KIAA1217: variants seen among roughly 807,000 people sequenced by gnomAD.
KIAA1217 encodes the protein KIAA1217, also known as sickle tail protein homolog.
KIAA1217 carries 88 observed loss-of-function variants against 163.9 expected under a neutral mutation model. That is an observed-to-expected ratio of 0.54 (90% CI 0.45 to 0.64). KIAA1217 has a LOEUF of 0.64. Ranked by LOEUF, KIAA1217 falls within the 30% of genes least tolerant of loss-of-function variation. KIAA1217 has a pLI of 0.00. For synonymous variants in KIAA1217, 903 were observed against 923.1 expected, an observed-to-expected ratio of 0.98 and a Z score of 0.39; for missense variants, 2,372 against 2,475.0, an observed-to-expected ratio of 0.96 and a Z score of 0.88.
chr10:23,791,100 A>C (rs11598360), intron 1 of KIAA1217, among the ~76,000 whole-genome samples: 14 of 152,066 alleles, frequency 9.2e-5, no homozygotes, highest in Non-Finnish European at 2.1e-4. Context: ...TGAGGGGAAA[A>C]AAGACTCTTT....
intron 2 of KIAA1217, among the ~76,000 whole-genome samples, chr10:24,201,074 C>A (rs1387569197): frequency 6.6e-6 from 1 of 152,092 alleles, no homozygotes; most frequent in Non-Finnish European, 1.5e-5. Context: ...CGTTCGAGAC[C>A]AGTCTGGCCA....
At chr10:23,703,929 C>T (rs886947149) in intron 1 of KIAA1217, among the ~76,000 whole-genome samples, 1 of 149,006 alleles carries the variant, frequency 6.7e-6, no homozygotes, top group East Asian at 2.0e-4. Context: ...TTTGTATTGC[C>T]AAAGAGCAAT....
chr10:24,019,203 C>G (rs926830423), intron 2 of KIAA1217, among the ~76,000 whole-genome samples: 15 of 151,966 alleles, frequency 9.9e-5, no homozygotes, highest in Non-Finnish European at 1.8e-4. Flanking sequence ...TTAAAATGTT[C>G]TCATCAGAAA....
Position 24,110,244 on chromosome 10 carries a change from A to C in KIAA1217, c.-171+102870A>C, listed in dbSNP as rs1298098600. On this transcript the variant is annotated intron_variant, in intron 2 of 18. Coordinates refer to the KIAA1217 transcript ENST00000376462. The stretch of plus-strand genomic sequence containing the variant: ...TGTACATTTGTATCAATTATAGCAA[A>C]GTATCAGCACAGATCTTCAGAGTTC... Among the ~76,000 whole-genome samples, 30 of 152,210 alleles carry C rather than the reference A, an allele frequency of 2.0e-4. 2 individuals are homozygous for C. The highest frequency in any genetic ancestry group is 2.0e-3 in the Admixed American group (30 of 15,284).
chr10:24,365,716 T>A (rs893246755), intron 2 of KIAA1217, among the ~76,000 whole-genome samples: 5 of 152,200 alleles, frequency 3.3e-5, no homozygotes, highest in African/African-American at 4.8e-5. Context: ...TTATTTATTT[T>A]TTTAACCCCT....
intron 1 of KIAA1217, among the ~76,000 whole-genome samples, chr10:23,845,738 A>T (rs1326982897): frequency 2.0e-5 from 3 of 152,128 alleles, no homozygotes; most frequent in Middle Eastern, 6.8e-3. Flanking sequence ...CTCTTTAATT[A>T]GATACCATTT....
rs777687847 is a variant in KIAA1217, at chr10:24,543,272, A to G, written c.4002A>G (p.Lys1334=). The G allele has an allele frequency of 1.2e-6, 2 of 1,613,980 alleles. No homozygotes were observed. The highest frequency in any genetic ancestry group is 2.7e-5 in the African/African-American group (2 of 74,902). Residue 1334 remains lysine (K), a synonymous_variant, in exon 19 of 21, where the codon AAA becomes AAG. Coordinates refer to ENST00000376454, the MANE Select transcript of KIAA1217 (RefSeq NM_019590.5). ...RLTESSVHDF[K]TEDQEVITTD... is the part of the protein sequence containing the mutation. Reference sequence around the variant, plus strand: ...CAGAATCAAGCGTGCATGATTTTAAAACAGAAGATCAAGAGGTTATCACGA... The same window carrying G: ...CAGAATCAAGCGTGCATGATTTTAAGACAGAAGATCAAGAGGTTATCACGA...
chr10:24,403,255 TGACACAAA>T (rs1222112603), intron 3 of KIAA1217, among the ~76,000 whole-genome samples: 3 of 152,184 alleles, frequency 2.0e-5, no homozygotes, highest in Non-Finnish European at 4.4e-5. Flanking sequence ...TATTTTGTTT[TGACACAAA>T]GTTTTGCTCT....
chr10:23,975,975 G>A (rs1845523252), intron 1 of KIAA1217, among the ~76,000 whole-genome samples: 1 of 151,982 alleles, frequency 6.6e-6, no homozygotes, highest in Non-Finnish European at 1.5e-5. Flanking sequence ...GTCTATGTAG[G>A]GACTGCTCTT....
chr10:24,345,671 C>A (rs1278937943), intron 2 of KIAA1217, among the ~76,000 whole-genome samples: 2 of 152,142 alleles, frequency 1.3e-5, no homozygotes, highest in Non-Finnish European at 2.9e-5. Context: ...GCCATTTGAA[C>A]TTTCCTTATA....
intron 1 of KIAA1217, among the ~76,000 whole-genome samples, chr10:23,761,007 A>G (rs1270049765): frequency 6.6e-6 from 1 of 152,110 alleles, no homozygotes; most frequent in Admixed American, 6.6e-5. Context: ...TTCCAGCTAC[A>G]GGGAGGATGA....
At chr10:23,945,448 A>G (rs1471076407) in intron 1 of KIAA1217, among the ~76,000 whole-genome samples, 2 of 152,216 alleles carry the variant, frequency 1.3e-5, no homozygotes, top group Non-Finnish European at 1.5e-5. Context: ...AATCAGAGCA[A>G]TGGCTGCTTA....
At chr10:24,211,103 G>T (rs1261112997) in intron 1 of KIAA1217, among the ~76,000 whole-genome samples, 1 of 152,088 alleles carries the variant, frequency 6.6e-6, no homozygotes, top group Admixed American at 6.6e-5. Flanking sequence ...GAAAAATAAA[G>T]CAGGAAAAGG....
chr10:24,371,780 AG>A (rs1420115881), intron 2 of KIAA1217, among the ~76,000 whole-genome samples: 9 of 152,244 alleles, frequency 5.9e-5, no homozygotes, highest in African/African-American at 1.9e-4. Flanking sequence ...CACCATAGAC[AG>A]GAATCCTTCT....
chr10:24,531,846 G>A lies in KIAA1217; in HGVS notation c.3099G>A (p.Ser1033=), dbSNP rs776915281. Reference sequence around the variant, plus strand: ...GTTTTCCAGAAGATTCTCCAAATTCGGAACAGGACTTGGAAAAGCTGGGGG... The same window carrying A: ...GTTTTCCAGAAGATTCTCCAAATTCAGAACAGGACTTGGAAAAGCTGGGGG... The part of the protein sequence containing the change: ...KVELSEDSPN[S]EQDLEKLGGK... The change falls in exon 15 of 21, where the codon TCG becomes TCA. Residue 1033 remains serine (S), a synonymous_variant. Coordinates refer to ENST00000376454, the MANE Select transcript of KIAA1217 (RefSeq NM_019590.5). The A allele has an allele frequency of 1.2e-5, 19 of 1,591,030 alleles. 1 individual carries two copies. Among genetic ancestry groups the A allele is most frequent in the Middle Eastern group, 1.7e-4 (1 of 5,960 alleles).
chr10:23,946,595 A>G (rs531221403), intron 1 of KIAA1217, among the ~76,000 whole-genome samples: 1 of 152,194 alleles, frequency 6.6e-6, no homozygotes, highest in Non-Finnish European at 1.5e-5. Flanking sequence ...TGTCGAAGTG[A>G]TCACTGCTAA....
At chr10:23,872,315 T>C (rs141110101) in intron 1 of KIAA1217, among the ~76,000 whole-genome samples, 2 of 152,038 alleles carry the variant, frequency 1.3e-5, no homozygotes. Context: ...TTAGGAGAGA[T>C]AGAATGTGAA....
intron 2 of KIAA1217, among the ~76,000 whole-genome samples, chr10:24,080,705 C>T (rs2061509826): frequency 6.6e-6 from 1 of 152,094 alleles, no homozygotes; most frequent in Non-Finnish European, 1.5e-5. Flanking sequence ...AAAATTATTT[C>T]TAAATAGCAC....
At chr10:24,143,000 AG>A (rs2064151763) in intron 2 of KIAA1217, among the ~76,000 whole-genome samples, 1 of 152,236 alleles carries the variant, frequency 6.6e-6, no homozygotes, top group Admixed American at 6.5e-5. Flanking sequence ...AAAAAGCAGA[AG>A]GGCGGAGAGG....
Sources: gnomAD v4.1 joint callset for allele counts (sites outside exome capture counted in the v4.1 genomes callset) on GRCh38, gnomAD v4.1.1 for gene constraint, MANE v1.5 for transcripts, NCBI Gene and HGNC (gene_info 2026-07-23, HGNC 2026-07-21) for gene names.